The following CSMD3 variants were observed in gnomAD, a reference collection of about 807,000 sequenced individuals.
CSMD3 encodes the protein CUB and sushi domain-containing protein 3.
Under a neutral mutation model 435.2 loss-of-function variants are expected in CSMD3, and 177 were observed. The observed-to-expected ratio is 0.41, with a 90% confidence interval of 0.36 to 0.46. The LOEUF is 0.46. CSMD3 is among the 20% of genes least tolerant of loss of function. The pLI, the probability that CSMD3 is intolerant of heterozygous loss-of-function variation, is 0.34. For missense variants in CSMD3, 4,265 were observed against 4,504.6 expected (o/e 0.95, Z 1.52); for synonymous variants, 1,656 against 1,520.5 (o/e 1.09, Z -2.07).
chr8:112,869,997 T>A (rs1411594172), intron 10 of CSMD3, among the ~76,000 whole-genome samples: 1 of 152,164 alleles, frequency 6.6e-6, no homozygotes, highest in Non-Finnish European at 1.5e-5. Context: ...TGTATAACTA[T>A]GTAACAAACC....
At chr8:112,530,751 A>G (rs1416195190) in intron 27 of CSMD3, among the ~76,000 whole-genome samples, 1 of 152,184 alleles carries the variant, frequency 6.6e-6, no homozygotes, top group Non-Finnish European at 1.5e-5. Context: ...ATCCTACCAC[A>G]ATGTAACACA....
intron 38 of CSMD3, among the ~76,000 whole-genome samples, chr8:112,370,554 T>C (rs1455913887): frequency 6.6e-6 from 1 of 152,156 alleles, no homozygotes; most frequent in Non-Finnish European, 1.5e-5. Context: ...TACTTCTGTT[T>C]CGTGGTATTG....
intron 10 of CSMD3, among the ~76,000 whole-genome samples, chr8:112,915,039 A>G (rs1331489619): frequency 6.6e-6 from 1 of 151,916 alleles, no homozygotes; most frequent in East Asian, 1.9e-4. Flanking sequence ...AAATATAGGA[A>G]ATAAGTTTTT....
chr8:113,181,462 T>C (rs1383735014), intron 3 of CSMD3, among the ~76,000 whole-genome samples: 1 of 152,038 alleles, frequency 6.6e-6, no homozygotes, highest in African/African-American at 2.4e-5. Context: ...AGAAAATACT[T>C]TGCACCATAT....
At chr8:112,387,493 G>GTGTT (rs1201696801) in intron 36 of CSMD3, among the ~76,000 whole-genome samples, 7 of 151,668 alleles carry the variant, frequency 4.6e-5, no homozygotes, top group Non-Finnish European at 8.8e-5. Context: ...GTGTGTGTGT[G>GTGTT]TGTGTGTGTG....
At chr8:112,647,866 AG>A (rs1289967549) in intron 19 of CSMD3, among the ~76,000 whole-genome samples, 4 of 152,232 alleles carry the variant, frequency 2.6e-5, no homozygotes, top group Non-Finnish European at 5.9e-5. Flanking sequence ...TGATCATAAT[AG>A]CACTTATCTA....
intron 3 of CSMD3, among the ~76,000 whole-genome samples, chr8:113,273,420 A>C (rs2093545758): frequency 6.6e-6 from 1 of 152,130 alleles, no homozygotes; most frequent in African/African-American, 2.4e-5. Context: ...TTAATTTAAA[A>C]ATTCCAGAAA....
chr8:113,116,577 G>A (rs969014846), intron 4 of CSMD3, among the ~76,000 whole-genome samples: 2 of 152,130 alleles, frequency 1.3e-5, no homozygotes, highest in African/African-American at 2.4e-5. Context: ...AAAGATACCT[G>A]AAAATGTGAA....
chr8:113,266,588 G>A (rs1247800492), intron 3 of CSMD3, among the ~76,000 whole-genome samples: 1 of 151,486 alleles, frequency 6.6e-6, no homozygotes, highest in Non-Finnish European at 1.5e-5. Flanking sequence ...TAATTTTGTA[G>A]GGTGAGATAA....
At chr8:113,076,472 C>A (rs998993325) in intron 5 of CSMD3, among the ~76,000 whole-genome samples, 3 of 151,868 alleles carry the variant, frequency 2.0e-5, no homozygotes, top group African/African-American at 4.8e-5. Flanking sequence ...AGGCAGTTTA[C>A]AATCATAAAA....
intron 3 of CSMD3, among the ~76,000 whole-genome samples, chr8:113,236,685 T>A (rs2093154277): frequency 6.6e-6 from 1 of 152,136 alleles, no homozygotes; most frequent in South Asian, 2.1e-4. Flanking sequence ...TCCCTGGTTC[T>A]GAGACTTTTA....
intron 1 of CSMD3, among the ~76,000 whole-genome samples, chr8:113,336,628 C>T (rs2094077193): frequency 6.6e-6 from 1 of 152,026 alleles, no homozygotes; most frequent in African/African-American, 2.4e-5. Context: ...GCTGTCAGGT[C>T]GAAGAAGTCC....
At chr8:112,346,724 G>T (rs916641922) in intron 40 of CSMD3, among the ~76,000 whole-genome samples, 4 of 134,730 alleles carry the variant, frequency 3.0e-5, no homozygotes, top group Non-Finnish European at 6.1e-5. Flanking sequence ...TGTCACCCAG[G>T]CTGGAGTGCA....
chr8:112,498,768 C>A (rs551770838), intron 30 of CSMD3, among the ~76,000 whole-genome samples: 2 of 152,002 alleles, frequency 1.3e-5, no homozygotes, highest in South Asian at 2.1e-4. Context: ...TATGTATAAG[C>A]CTTTCAGCTT....
Position 112,314,550 on chromosome 8 carries a change from G to A in CSMD3, c.7428C>T (p.Asp2476=), listed in dbSNP as rs1057501477. 1.9e-6 allele frequency: 3 copies of A among 1,611,642 alleles called. No homozygotes were observed. Among genetic ancestry groups the A allele is most frequent in the Non-Finnish European group, 2.5e-6 (3 of 1,178,018 alleles). The change falls in exon 48 of 71, where the codon GAC becomes GAT. Residue 2476 remains aspartate, a synonymous_variant. Coordinates refer to ENST00000297405, the MANE Select transcript of CSMD3 (RefSeq NM_198123.2). ...TGVILSPGYP[D]SYPNLQMCAW... Reference sequence around the variant, plus strand: ...CACACATTTGAAGATTTGGGTAACTGTCAGGATATCCAGGGCTCAATATGA... The same window carrying A: ...CACACATTTGAAGATTTGGGTAACTATCAGGATATCCAGGGCTCAATATGA...
intron 24 of CSMD3, among the ~76,000 whole-genome samples, chr8:112,569,150 G>A (rs997850438): frequency 2.0e-5 from 3 of 152,082 alleles, no homozygotes; most frequent in Non-Finnish European, 2.9e-5. Flanking sequence ...GAGTATATGC[G>A]GTTGGCACTG....
intron 9 of CSMD3, among the ~76,000 whole-genome samples, chr8:112,941,581 TA>T (rs527967616): frequency 1.3e-3 from 204 of 151,926 alleles, no homozygotes; most frequent in Non-Finnish European, 1.6e-3. Context: ...ATATCTCTTT[TA>T]TCCCTAAAGT....
At chr8:112,600,342 T>A (rs1423169677) in intron 22 of CSMD3, among the ~76,000 whole-genome samples, 1 of 152,146 alleles carries the variant, frequency 6.6e-6, no homozygotes, top group African/African-American at 2.4e-5. Flanking sequence ...TAGATTGCTT[T>A]GTTTTCATTA....
intron 4 of CSMD3, among the ~76,000 whole-genome samples, chr8:113,156,732 CTAAATAAATAAATAAA>C (rs34302914): frequency 2.9e-4 from 31 of 105,742 alleles, no homozygotes; most frequent in Non-Finnish European, 5.1e-4. Context: ...AAAATCTCAC[CTAAATAAATAAATAAA>C]TAAATAAATA....
Sources: allele counts gnomAD v4.1 joint callset (sites outside exome capture counted in the v4.1 genomes callset), GRCh38; gene constraint gnomAD v4.1.1; transcripts MANE v1.5; gene names NCBI Gene and HGNC (gene_info 2026-07-23, HGNC 2026-07-21).